The following NEBL variants were observed in gnomAD, a reference collection of about 807,000 sequenced individuals.
The protein encoded by NEBL is nebulette.
NEBL carries 122 observed loss-of-function variants against 140.2 expected under a neutral mutation model. The ratio of observed to expected loss-of-function variants is 0.87; its 90% confidence interval spans 0.75 to 1.01. The LOEUF (loss-of-function observed/expected upper bound fraction) is 1.01. Among genes scored for constraint, NEBL ranks in the 50% least tolerant of loss-of-function variants. The pLI is 0.00. For synonymous variants in NEBL, 436 were observed against 398.9 expected (o/e 1.09, Z -1.11); for missense variants, 1,365 against 1,231.3 (o/e 1.11, Z -1.62).
At position 21,048,072 on chromosome 10, in the gene NEBL, G is replaced by A. The variant is rs115977793; in HGVS notation, c.165-27871C>T. Among the ~76,000 whole-genome samples the A allele has an allele frequency of 3.7e-3, 559 of 152,194 alleles. 2 individuals carry two copies. Among genetic ancestry groups the A allele is most frequent in the African/African-American group, 0.011 (450 of 41,544 alleles). On this transcript the variant is annotated intron_variant, in intron 2 of 6. Coordinates refer to the NEBL transcript ENST00000417816. ...CAACACATTGCAATGCAAAGTGAGCGGTTCTCCAAGACAAAAATTTCTGCT... is the reference window on the plus strand; with the variant it reads ...CAACACATTGCAATGCAAAGTGAGCAGTTCTCCAAGACAAAAATTTCTGCT...
chr10:21,274,727 A>C (rs959556573), intron 1 of NEBL, among the ~76,000 whole-genome samples: 3 of 152,150 alleles, frequency 2.0e-5, no homozygotes, highest in Non-Finnish European at 2.9e-5. Context: ...CACCCAGCCT[A>C]TACACTATAT....
At chr10:21,201,950 G>T (rs892401972) in intron 3 of NEBL, among the ~76,000 whole-genome samples, 4 of 152,106 alleles carry the variant, frequency 2.6e-5, no homozygotes, top group African/African-American at 9.7e-5. Context: ...TTCTATGGAG[G>T]AGCTTGTGGC....
At chr10:21,273,884 C>A (rs1319502964) in intron 1 of NEBL, among the ~76,000 whole-genome samples, 1 of 152,198 alleles carries the variant, frequency 6.6e-6, no homozygotes, top group Non-Finnish European at 1.5e-5. Context: ...CTTACCCCTG[C>A]AGCAGATGCT....
chr10:21,125,796 T>A (rs1452999622), intron 2 of NEBL: 4 of 1,502,720 alleles, frequency 2.7e-6, no homozygotes, highest in Admixed American at 3.5e-5. Context: ...GTATATGGTA[T>A]GGTATAAGAC....
chr10:20,905,512 A>T (rs1418936569), intron 4 of NEBL, among the ~76,000 whole-genome samples: 1 of 152,126 alleles, frequency 6.6e-6, no homozygotes, highest in East Asian at 1.9e-4. Context: ...ACTCACTGTC[A>T]CAACAGCAGC....
Position 20,787,078 on chromosome 10 carries a change from C to T in NEBL, c.2868+124G>A, listed in dbSNP as rs1835475772. 18 of 870,636 alleles carry T rather than the reference C, an allele frequency of 2.1e-5. No individual in the cohort carries two copies. The South Asian group carries it at 2.3e-4, about 11-fold the overall frequency. 53.9% of individuals were successfully genotyped at this position (870,636 alleles called of 1,614,324 possible). ...CAAAAGAGTTGTATAAATGGCAACA[C>T]ATCATCATTTATCTTTAAATGAAAA... is the stretch of plus-strand genomic sequence containing the variant. On this transcript the variant is annotated intron_variant, in intron 27 of 27. Transcript: ENST00000377122.
intron 3 of NEBL, among the ~76,000 whole-genome samples, chr10:21,194,112 C>T (rs1841614888): frequency 6.6e-6 from 1 of 151,976 alleles, no homozygotes; most frequent in South Asian, 2.1e-4. Context: ...GTAGCTGAGA[C>T]TATAGGCATG....
intron 3 of NEBL, among the ~76,000 whole-genome samples, chr10:21,011,834 C>T (rs1001117912): frequency 6.6e-6 from 1 of 152,368 alleles, no homozygotes; most frequent in Middle Eastern, 3.4e-3. Context: ...CCCAGGGCCA[C>T]ACTGTTCCTG....
intron 26 of NEBL, among the ~76,000 whole-genome samples, chr10:20,789,407 A>T (rs1588597199): frequency 6.6e-6 from 1 of 152,234 alleles, no homozygotes; most frequent in South Asian, 2.1e-4. Flanking sequence ...AGGAATGGAC[A>T]TTGAAAAATT....
chr10:21,061,843 C>G (rs1453382581), intron 2 of NEBL, among the ~76,000 whole-genome samples: 1 of 152,142 alleles, frequency 6.6e-6, no homozygotes, highest in African/African-American at 2.4e-5. Context: ...ACTTGGGTCA[C>G]CTCTGTACTT....
intron 2 of NEBL, among the ~76,000 whole-genome samples, chr10:21,068,489 C>T (rs1835667024): frequency 1.3e-5 from 2 of 152,202 alleles, no homozygotes; most frequent in Non-Finnish European, 2.9e-5. Flanking sequence ...GGGGGAGGAA[C>T]ATTCTTTCCC....
intron 3 of NEBL, among the ~76,000 whole-genome samples, chr10:21,237,384 T>C (rs1842370065): frequency 6.6e-6 from 1 of 151,906 alleles, no homozygotes; most frequent in Non-Finnish European, 1.5e-5. Context: ...TTTGTATTTT[T>C]AGTAGAGACG....
chr10:21,246,880 G>T (rs1842523972), intron 3 of NEBL, among the ~76,000 whole-genome samples: 1 of 152,052 alleles, frequency 6.6e-6, no homozygotes, highest in Admixed American at 6.6e-5. Flanking sequence ...ATATAGTTTG[G>T]CTCTGTGTCC....
intron 2 of NEBL, chr10:21,029,097 T>C: frequency 8.3e-7 from 1 of 1,209,152 alleles, no homozygotes; most frequent in Non-Finnish European, 1.2e-6. Context: ...GAAGCACCTA[T>C]GTTTCCAAAC....
At chr10:21,145,320 T>C (rs1213751511) in intron 2 of NEBL, among the ~76,000 whole-genome samples, 2 of 152,212 alleles carry the variant, frequency 1.3e-5, no homozygotes, top group Non-Finnish European at 2.9e-5. Flanking sequence ...CAAAGTTATT[T>C]GTATAAAGCT....
rs1286008356 is a variant in NEBL, at chr10:21,243,648, T to C, written n.348+4273A>G. 1.3e-5 allele frequency among the ~76,000 whole-genome samples: 2 copies of C among 152,248 alleles called. 1 individual carries two copies. The highest frequency in any genetic ancestry group is 4.1e-4 in the South Asian group (2 of 4,830). ...ATCATGCCAGTCATTTCACAAGCAT[T>C]ATTTCTTTAAAAATTTCAGTAACTG... On this transcript the variant is annotated intron_variant and non_coding_transcript_variant, in intron 3 of 8. Transcript: ENST00000675702.
At position 20,868,643 on chromosome 10, in the gene NEBL, G is replaced by GAATCATC. The variant is rs1376148085; in HGVS notation, c.684+14_684+20dup. The GAATCATC allele has an allele frequency of 3.4e-6, 5 of 1,477,210 alleles. No homozygotes were observed. In the South Asian group the frequency reaches 5.7e-5, roughly 17 times the overall value. 91.5% of individuals were successfully genotyped at this position (1,477,210 alleles called of 1,614,324 possible). On this transcript the variant is annotated intron_variant, in intron 7 of 27. Transcript: ENST00000377122. Reference sequence around the variant, plus strand: ...AAAATATCTGAATAAAGTCATTGTGGAATCATCACTAAAGCCTTACTTGAC... The same window carrying GAATCATC: ...AAAATATCTGAATAAAGTCATTGTGGAATCATCAATCATCACTAAAGCCTTACTTGAC...
chr10:21,068,128 T>C (rs1835652297), intron 2 of NEBL, among the ~76,000 whole-genome samples: 1 of 152,234 alleles, frequency 6.6e-6, no homozygotes, highest in Non-Finnish European at 1.5e-5. Flanking sequence ...GTCAGCTCCA[T>C]GATTCTACAC....
intron 2 of NEBL, chr10:21,146,208 G>T: frequency 1.4e-6 from 1 of 690,514 alleles, no homozygotes; most frequent in Non-Finnish European, 2.4e-6. Flanking sequence ...TGCAAAGGAA[G>T]TTTATTTCAT....
Sources: gnomAD v4.1 joint callset for allele counts (sites outside exome capture counted in the v4.1 genomes callset) on GRCh38, gnomAD v4.1.1 for gene constraint, MANE v1.5 for transcripts, NCBI Gene and HGNC (gene_info 2026-07-23, HGNC 2026-07-21) for gene names.